LGR4: variants seen among roughly 807,000 people sequenced by gnomAD.
LGR4 encodes leucine-rich repeat-containing G protein-coupled receptor 4.
A neutral mutation model predicts 84.8 loss-of-function variants in LGR4; 44 were observed. The observed-to-expected ratio is 0.52, with a 90% CI of 0.41 to 0.67. The LOEUF is 0.67. Among genes scored for constraint, LGR4 ranks in the 30% least tolerant of loss-of-function variants. The pLI is 0.00. For synonymous variants in LGR4, 429 were observed against 434.3 expected (o/e 0.99, Z 0.15); for missense variants, 1,032 against 1,131.4 (o/e 0.91, Z 1.26).
intron 1 of LGR4, among the ~76,000 whole-genome samples, chr11:27,419,638 T>TTA (rs1488299288): frequency 3.4e-5 from 5 of 147,558 alleles, no homozygotes; most frequent in South Asian, 2.1e-4. Flanking sequence ...ATATATATAA[T>TTA]TATATATATA....
chr11:27,373,808 T>C, intron 14 of LGR4, 132 bp from the exon 15 acceptor site: 1 of 1,036,722 alleles, frequency 9.6e-7, no homozygotes, highest in Non-Finnish European at 1.4e-6. Context: ...ATTATAGTTC[T>C]AGCATGTATC....
intron 1 of LGR4, among the ~76,000 whole-genome samples, chr11:27,441,457 T>A (rs868381388): frequency 2.0e-5 from 3 of 151,720 alleles, no homozygotes; most frequent in African/African-American, 7.3e-5. Flanking sequence ...GATTTCATCA[T>A]TACATAAAAA....
At chr11:27,387,387 G>T (rs1343436040) in intron 4 of LGR4, among the ~76,000 whole-genome samples, 4 of 152,182 alleles carry the variant, frequency 2.6e-5, no homozygotes, top group African/African-American at 9.6e-5. Context: ...AAGACTGAGG[G>T]ACTCTGAGGA....
At chr11:27,382,387 G>A (rs1411231532) in intron 6 of LGR4, 131 bp from the exon 7 acceptor site, 3 of 616,430 alleles carry the variant, frequency 4.9e-6, no homozygotes, top group Admixed American at 3.1e-5. Flanking sequence ...CAACCATATC[G>A]TCATTCAAAA....
rs755381357 is a variant in LGR4 at position 27,385,364 on chromosome 11, G to T, written c.506C>A (p.Pro169His). ...GGGCAGATTGCTGAGGGGGTGCACA[G>T]GCACCTCCGTCAAGCTGTTGTCATC... ...WLDDNSLTEVPVHPLSNLPTL... is the reference protein window; with the variant it reads ...WLDDNSLTEVHVHPLSNLPTL... Residue 169 changes from proline to histidine, a missense_variant, in exon 5 of 18, where the codon CCT becomes CAT. Coordinates refer to ENST00000379214, the MANE Select transcript of LGR4 (RefSeq NM_018490.5). The T allele has an allele frequency of 1.2e-6, 2 of 1,612,200 alleles. No individual in the cohort carries two copies. The highest frequency in any genetic ancestry group is 4.5e-5 in the East Asian group (2 of 44,856).
chr11:27,448,962 A>C (rs1241303002), intron 1 of LGR4, among the ~76,000 whole-genome samples: 7 of 152,146 alleles, frequency 4.6e-5, no homozygotes, highest in Non-Finnish European at 8.8e-5. Context: ...TACTATAATA[A>C]ATTTTTACAT....
Position 27,368,046 on chromosome 11 carries a change from C to T in LGR4, c.2677G>A (p.Glu893Lys). ...ALAVASCQRPEGYWSDCGTQS... is the reference protein window; with the variant it reads ...ALAVASCQRPKGYWSDCGTQS... ...GTGCCACAGTCGGACCAGTAGCCCT[C>T]AGGTCTTTGGCAAGAAGCCACTGCC... Residue 893 changes from glutamate (E) to lysine (K), a missense_variant, in exon 18 of 18, where the codon GAG (glutamate) becomes AAG (lysine). Coordinates refer to ENST00000379214, the MANE Select transcript of LGR4 (RefSeq NM_018490.5). The T allele has an allele frequency of 1.9e-6, 3 of 1,614,038 alleles. No homozygotes were observed. In the African/African-American group the frequency reaches 4.0e-5, roughly 22 times the overall value.
intron 1 of LGR4, among the ~76,000 whole-genome samples, chr11:27,422,139 G>A (rs996537455): frequency 7.9e-5 from 12 of 152,068 alleles, no homozygotes; most frequent in Non-Finnish European, 1.8e-4. Flanking sequence ...ACATCAACAA[G>A]AAGTATTATA....
At chr11:27,457,878 A>G (rs1164187344) in intron 1 of LGR4, among the ~76,000 whole-genome samples, 1 of 152,172 alleles carries the variant, frequency 6.6e-6, no homozygotes, top group Non-Finnish European at 1.5e-5. Flanking sequence ...CTGTAACCCC[A>G]GCACTTTGGG....
At chr11:27,404,412 ATC>A (rs1343918713) in intron 2 of LGR4, among the ~76,000 whole-genome samples, 1 of 152,210 alleles carries the variant, frequency 6.6e-6, no homozygotes, top group Non-Finnish European at 1.5e-5. Flanking sequence ...AATTTATACT[ATC>A]TAAGCCCAAC....
At chr11:27,374,152 A>G in intron 13 of LGR4, 106 bp from the exon 14 acceptor site, 3 of 738,992 alleles carry the variant, frequency 4.1e-6, no homozygotes, top group Non-Finnish European at 7.2e-6. Flanking sequence ...ATCGCTGATA[A>G]GATAACAAAG....
intron 1 of LGR4, among the ~76,000 whole-genome samples, chr11:27,454,078 C>T (rs543891900): frequency 6.6e-6 from 1 of 152,324 alleles, no homozygotes; most frequent in South Asian, 2.1e-4. Flanking sequence ...TCCACAATCC[C>T]TTATCATTGG....
intron 1 of LGR4, among the ~76,000 whole-genome samples, chr11:27,418,627 T>G (rs1388116947): frequency 6.6e-6 from 1 of 152,104 alleles, no homozygotes; most frequent in Non-Finnish European, 1.5e-5. Context: ...AAATAAACAT[T>G]AATTATGGCA....
chr11:27,426,447 G>C (rs766751273), intron 1 of LGR4, among the ~76,000 whole-genome samples: 1 of 152,102 alleles, frequency 6.6e-6, no homozygotes, highest in African/African-American at 2.4e-5. Flanking sequence ...CCTATAAATA[G>C]TATCTCACAG....
intron 17 of LGR4, among the ~76,000 whole-genome samples, chr11:27,370,642 G>C (rs141338920): frequency 1.2e-3 from 184 of 152,300 alleles, no homozygotes; most frequent in African/African-American, 4.1e-3. Flanking sequence ...GATGAGCTCA[G>C]ACCAGCTTTC....
chr11:27,396,386 C>G (rs938437979), intron 2 of LGR4, among the ~76,000 whole-genome samples: 1 of 152,132 alleles, frequency 6.6e-6, no homozygotes, highest in African/African-American at 2.4e-5. Flanking sequence ...CCTAACAGAC[C>G]TACAGTGCCA....
At chr11:27,404,090 A>G (rs534579561) in intron 2 of LGR4, among the ~76,000 whole-genome samples, 5 of 152,340 alleles carry the variant, frequency 3.3e-5, no homozygotes, top group Admixed American at 6.5e-5. Context: ...GAATCCTGCT[A>G]GTAGAAAATC....
chr11:27,419,924 G>C (rs902805001), intron 1 of LGR4, among the ~76,000 whole-genome samples: 2 of 151,944 alleles, frequency 1.3e-5, no homozygotes, highest in African/African-American at 2.4e-5. Context: ...GCAACAGTTG[G>C]GGGGTGGAGA....
Position 27,367,880 on chromosome 11 carries a change from C to T in LGR4, c.2843G>A (p.Arg948Lys). 6.3e-7 allele frequency: 1 copy of T among 1,590,708 alleles called. No individual in the cohort carries two copies. Among genetic ancestry groups the T allele is most frequent in the Non-Finnish European group, 8.5e-7 (1 of 1,173,072 alleles). Residue 948 changes from arginine to lysine, a missense_variant, in exon 18 of 18, where the codon AGA becomes AAA. By Grantham distance (26) the Arg-to-Lys change is conservative. Coordinates refer to ENST00000379214, the MANE Select transcript of LGR4 (RefSeq NM_018490.5). Reference protein sequence around the residue: ...PLVRYAYNLPRVKD With the variant: ...PLVRYAYNLPKVKD ...ACACACAGTAGTTCAGTCTTTAACT[C>T]TTGGTAGATTGTAAGCATAGCGCAC...
Sources: gnomAD v4.1 joint callset for allele counts (sites outside exome capture counted in the v4.1 genomes callset) on GRCh38, gnomAD v4.1.1 for gene constraint, MANE v1.5 for transcripts, NCBI Gene and HGNC (gene_info 2026-07-23, HGNC 2026-07-21) for gene names.